CRYZ: variants seen among roughly 807,000 people sequenced by gnomAD.
CRYZ encodes the protein crystallin zeta.
In CRYZ, 35 loss-of-function variants were observed where a neutral mutation model predicts 34.1. The ratio of observed to expected loss-of-function variants is 1.03; its 90% CI spans 0.78 to 1.36. The LOEUF (loss-of-function observed/expected upper bound fraction) is 1.36, where lower values mean the gene tolerates loss of function less well. CRYZ is among the 40% of genes most tolerant of loss of function. The pLI is 0.00. For missense variants in CRYZ, 403 were observed against 391.8 expected (o/e 1.03, Z -0.24); for synonymous variants, 137 against 136.5 (o/e 1.00, Z -0.03).
At position 74,723,181 on chromosome 1, in the gene CRYZ, A is replaced by G; in HGVS notation, c.201T>C (p.Tyr67=). The G allele has an allele frequency of 6.2e-7, 1 of 1,614,002 alleles. No homozygotes were observed. Among genetic ancestry groups the G allele is most frequent in the Non-Finnish European group, 8.5e-7 (1 of 1,179,904 alleles). The change falls in exon 3 of 9, where the codon TAT becomes TAC. Residue 67 remains tyrosine, a synonymous_variant. Coordinates refer to ENST00000340866, the MANE Select transcript of CRYZ (RefSeq NM_001889.4). ...GTYSRKPLLP[Y]TPGSDVAGVI... ...CCCCAGCCACATCTGAGCCAGGAGTATAGGGTAAGAGTGGTTTTCTACTAT... is the reference window on the plus strand; with the variant it reads ...CCCCAGCCACATCTGAGCCAGGAGTGTAGGGTAAGAGTGGTTTTCTACTAT...
At chr1:74,720,142 G>A (rs995938217) in intron 3 of CRYZ, among the ~76,000 whole-genome samples, 1 of 152,000 alleles carries the variant, frequency 6.6e-6, no homozygotes, top group Non-Finnish European at 1.5e-5. Flanking sequence ...AATATAAACT[G>A]TTATTTTTGT....
intron 8 of CRYZ, among the ~76,000 whole-genome samples, 192 bp downstream of exon 8, chr1:74,706,707 C>G (rs1238554989): frequency 6.6e-6 from 1 of 152,080 alleles, no homozygotes; most frequent in Non-Finnish European, 1.5e-5. Context: ...TATCACATTT[C>G]TATCTCAAAA....
At chr1:74,713,572 C>G (rs1647032553) in intron 5 of CRYZ, among the ~76,000 whole-genome samples, 1 of 152,102 alleles carries the variant, frequency 6.6e-6, no homozygotes, top group South Asian at 2.1e-4. Flanking sequence ...GTGTAGGAAG[C>G]TAGGTGTGAA....
At chr1:74,713,166 A>G (rs555901661) in intron 5 of CRYZ, among the ~76,000 whole-genome samples, 4 of 152,248 alleles carry the variant, frequency 2.6e-5, no homozygotes, top group South Asian at 2.1e-4. Context: ...GGATTTAACA[A>G]ACTCAGCCAG....
In CRYZ at chr1:74,706,920, A is replaced by C; in HGVS notation, c.807T>G (p.Val269=). ...CTACCTTGGTTGAGGAAAAGAGAGT[A>C]ACTCCAATTATACTCGACTCCTTTG... is the stretch of plus-strand genomic sequence containing the variant. ...TMAKESSIIG[V]TLFSSTKEEF... is the part of the protein sequence containing the mutation. Residue 269 remains valine (V), a synonymous_variant, in exon 8 of 9, where the codon GTT becomes GTG. Transcript: ENST00000340866. 2 of 1,612,954 alleles carry C rather than the reference A, an allele frequency of 1.2e-6. No individual in the cohort carries two copies. The highest frequency in any genetic ancestry group is 4.5e-5 in the East Asian group (2 of 44,836).
intron 6 of CRYZ, 107 bp from the exon 7 acceptor site, chr1:74,707,311 T>C: frequency 1.5e-6 from 1 of 657,570 alleles, no homozygotes; most frequent in South Asian, 1.9e-5. Context: ...GATATATAAA[T>C]GCTACATCTT....
At chr1:74,729,847 G>A (rs956394764) in intron 1 of CRYZ, among the ~76,000 whole-genome samples, 1 of 152,104 alleles carries the variant, frequency 6.6e-6, no homozygotes, top group Non-Finnish European at 1.5e-5. Flanking sequence ...GTTATGCAAT[G>A]CGTATTTTTC....
chr1:74,719,187 A>C (rs1647118973), intron 4 of CRYZ, 22 bp downstream of exon 4: 1 of 1,608,156 alleles, frequency 6.2e-7, no homozygotes, highest in Non-Finnish European at 8.5e-7. Flanking sequence ...TTGGCCATAA[A>C]ATTGACAGAA....
intron 1 of CRYZ, among the ~76,000 whole-genome samples, chr1:74,730,148 T>C (rs767396367): frequency 6.6e-6 from 1 of 152,200 alleles, no homozygotes; most frequent in Non-Finnish European, 1.5e-5. Flanking sequence ...CATTTTGGCA[T>C]TGGCTAAGTT....
At position 74,707,124 on chromosome 1, in the gene CRYZ, C is replaced by G; in HGVS notation, c.711G>C (p.Leu237=). The stretch of plus-strand genomic sequence containing the variant: ...TTACTATCACTCGTCCTCCATGTGA[C>G]AGAAGACTCAAGTCTTTACTAAGAT... ...NVNLSKDLSL[L]SHGGRVIVVG... is the part of the protein sequence containing the mutation. Residue 237 remains leucine (L), a synonymous_variant, in exon 7 of 9, where the codon CTG becomes CTC. Coordinates refer to ENST00000340866, the MANE Select transcript of CRYZ (RefSeq NM_001889.4). The G allele has an allele frequency of 6.3e-7, 1 of 1,584,468 alleles. No individual in the cohort carries two copies.
intron 1 of CRYZ, among the ~76,000 whole-genome samples, chr1:74,727,739 C>T (rs568931474): frequency 5.3e-5 from 8 of 151,940 alleles, no homozygotes; most frequent in Non-Finnish European, 1.0e-4. Context: ...TTGAATTCCT[C>T]CCCCAGGTCC....
intron 5 of CRYZ, 62 bp from the exon 6 acceptor site, chr1:74,710,309 C>T (rs1646985231): frequency 1.3e-6 from 2 of 1,494,782 alleles, no homozygotes; most frequent in Admixed American, 1.9e-5. Context: ...CACTTAAATA[C>T]ATACAATGAA....
At chr1:74,722,219 G>A (rs539441184) in intron 3 of CRYZ, among the ~76,000 whole-genome samples, 13 of 152,238 alleles carry the variant, frequency 8.5e-5, no homozygotes, top group Non-Finnish European at 1.5e-4. Flanking sequence ...AGGAGGGGGA[G>A]AGGAGAACAG....
At position 74,724,751 on chromosome 1, in the gene CRYZ, A is replaced by T. The variant is rs201608430; in HGVS notation, c.71T>A (p.Leu24Ter). Residue 24 changes from leucine (L) to a stop codon, truncating the protein, a stop_gained, in exon 2 of 9, where the codon TTG becomes TAG. Coordinates refer to ENST00000340866, the MANE Select transcript of CRYZ (RefSeq NM_001889.4). LOFTEE classifies it high-confidence loss of function. Reference protein sequence around the residue: ...FEFGGPEVLKLRSDIAVPIPK... With the variant: ...FEFGGPEVLK Reference sequence around the variant, plus strand: ...AATCGGTACTGCAATATCTGATCGCAATTTCAGGACTTCTGGCCCACCAAA... The same window carrying T: ...AATCGGTACTGCAATATCTGATCGCTATTTCAGGACTTCTGGCCCACCAAA... The T allele has an allele frequency of 4.3e-6, 7 of 1,613,472 alleles. No homozygotes were observed. The African/African-American group carries it at 9.3e-5, about 22-fold the overall frequency.
At chr1:74,715,477 G>C (rs1052272994) in intron 4 of CRYZ, among the ~76,000 whole-genome samples, 1 of 151,748 alleles carries the variant, frequency 6.6e-6, no homozygotes, top group Admixed American at 6.6e-5. Context: ...AGACATTATA[G>C]AACATTATGC....
At position 74,705,787 on chromosome 1, in the gene CRYZ, G is replaced by A. The variant is rs1189068325; in HGVS notation, c.*509C>T. On this transcript the variant is annotated 3_prime_UTR_variant, in exon 9 of 9. Transcript: ENST00000340866. The stretch of plus-strand genomic sequence containing the variant: ...AAAATACTGAGAAAACTAATAAATT[G>A]TCCTGGATATTATTTATTCTTGCCT... 1 of 152,096 alleles carries A rather than the reference G, an allele frequency of 6.6e-6. No homozygotes were observed. The highest frequency in any genetic ancestry group is 1.5e-5 in the Non-Finnish European group (1 of 68,018). The allele number at this position is 152,096 out of a possible 1,614,324, so 9.4% of individuals were successfully genotyped here. A position where few individuals can be genotyped will look rare whatever the true frequency, so the allele number is the denominator to read the frequency against.
chr1:74,721,567 A>G (rs1202394643), intron 3 of CRYZ, among the ~76,000 whole-genome samples: 1 of 152,232 alleles, frequency 6.6e-6, no homozygotes, highest in Non-Finnish European at 1.5e-5. Flanking sequence ...GGGAAAAGAG[A>G]AAGTGTCTAT....
At chr1:74,706,544 G>T (rs1646931991) in intron 8 of CRYZ, 87 bp from the exon 9 acceptor site, 6 of 1,215,382 alleles carry the variant, frequency 4.9e-6, no homozygotes, top group Non-Finnish European at 6.9e-6. Context: ...GAATCTAAGT[G>T]TTATACCATG....
chr1:74,732,459 A>C (rs1448265859), intron 1 of CRYZ, among the ~76,000 whole-genome samples: 1 of 151,672 alleles, frequency 6.6e-6, no homozygotes, highest in Admixed American at 6.6e-5. Context: ...GGCTGTGGGA[A>C]GGGGCCCTAC....
Sources: gnomAD v4.1 joint callset for allele counts (sites outside exome capture counted in the v4.1 genomes callset) on GRCh38, gnomAD v4.1.1 for gene constraint, MANE v1.5 for transcripts, NCBI Gene and HGNC (gene_info 2026-07-23, HGNC 2026-07-21) for gene names.